The following LRBA variants were observed in gnomAD, a reference collection of about 807,000 sequenced individuals.
LRBA encodes the protein LPS responsive beige-like anchor protein, also known as lipopolysaccharide-responsive and beige-like anchor protein.
Under a neutral mutation model 330.0 loss-of-function variants are expected in LRBA, and 176 were observed. The ratio of observed to expected loss-of-function variants is 0.53; its 90% confidence interval spans 0.47 to 0.60. The LOEUF is 0.60. LRBA is among the 20% of genes least tolerant of loss of function. The pLI is 0.00. For missense variants in LRBA, 3,259 were observed against 3,444.8 expected, an observed-to-expected ratio of 0.95 and a Z score of 1.35; for synonymous variants, 1,230 against 1,193.0, an observed-to-expected ratio of 1.03 and a Z score of -0.64.
At position 150,583,761 on chromosome 4, in the gene LRBA, C is replaced by A. The variant is rs370311233; in HGVS notation, c.6330+4287G>T. The A allele has an allele frequency of 5.6e-6, 9 of 1,613,642 alleles. No individual in the cohort carries two copies. The African/African-American group carries it at 6.7e-5, about 12-fold the overall frequency. ...AGGCGGAGAACCGCCTGCTGATGGG[C>A]GGCTGCCGAAACAAGTGCCTCTCAG... On this transcript the variant is annotated intron_variant, in intron 40 of 56. Coordinates refer to ENST00000651943, the MANE Select transcript of LRBA (RefSeq NM_001364905.1). The surrounding 1 kb of genome is among the most constrained non-coding windows in gnomAD (Gnocchi z 9.8).
chr4:150,806,287 C>A lies in LRBA; in HGVS notation c.5502G>T (p.Leu1834=). 6.3e-7 allele frequency: 1 copy of A among 1,589,236 alleles called. No homozygotes were observed. Among genetic ancestry groups the A allele is most frequent in the Non-Finnish European group, 8.5e-7 (1 of 1,169,836 alleles). ...ACCACTTACTTGTTCCTTCTATAAG[C>A]AGTTCTTGTCCATGGCTACCCAAAA... is the stretch of plus-strand genomic sequence containing the variant. ...RTLLGSHGQE[L]LIEGTSLVCM... Residue 1834 remains leucine (L), a synonymous_variant, in exon 33 of 57, where the codon CTG becomes CTT. Coordinates refer to ENST00000651943, the MANE Select transcript of LRBA (RefSeq NM_001364905.1).
At chr4:150,485,891 T>C (rs529931510) in intron 42 of LRBA, among the ~76,000 whole-genome samples, 35 of 151,942 alleles carry the variant, frequency 2.3e-4, no homozygotes, top group Non-Finnish European at 4.7e-4. Context: ...CGTATAAATG[T>C]ATTTATATTT....
intron 22 of LRBA, among the ~76,000 whole-genome samples, chr4:150,862,956 G>C (rs1360013251): frequency 6.6e-5 from 10 of 151,866 alleles, no homozygotes; most frequent in Non-Finnish European, 2.9e-5. Flanking sequence ...TCCAGCCAGG[G>C]TGACAGAGCA....
chr4:150,436,703 T>C (rs1372987845), intron 45 of LRBA, 21 bp downstream of exon 45: 3 of 1,602,944 alleles, frequency 1.9e-6, no homozygotes, highest in East Asian at 2.2e-5. Context: ...AGCCATGGTG[T>C]ATTATTCAAA....
intron 22 of LRBA, among the ~76,000 whole-genome samples, chr4:150,860,288 T>G (rs919978808): frequency 6.6e-6 from 1 of 152,180 alleles, no homozygotes; most frequent in South Asian, 2.1e-4. Flanking sequence ...GTTTTCCCTC[T>G]CATAAGTAAT....
chr4:150,845,581 G>C (rs955486379), intron 26 of LRBA, among the ~76,000 whole-genome samples: 6 of 152,136 alleles, frequency 3.9e-5, no homozygotes, highest in African/African-American at 1.4e-4. Context: ...ACTGAGCAAA[G>C]GAGGGAGAGC....
At chr4:150,634,849 C>G (rs767401228) in intron 37 of LRBA, among the ~76,000 whole-genome samples, 25 of 152,102 alleles carry the variant, frequency 1.6e-4, no homozygotes, top group Non-Finnish European at 3.1e-4. Context: ...AAACAGAAGC[C>G]GTAGTCTTAA....
At chr4:150,334,724 A>C (rs1379570539) in intron 48 of LRBA, among the ~76,000 whole-genome samples, 1 of 151,900 alleles carries the variant, frequency 6.6e-6, no homozygotes, top group Non-Finnish European at 1.5e-5. Context: ...TTTTGAAATA[A>C]GCATAACAAA....
intron 31 of LRBA, among the ~76,000 whole-genome samples, chr4:150,809,566 C>G (rs750573383): frequency 6.6e-6 from 1 of 152,148 alleles, no homozygotes; most frequent in African/African-American, 2.4e-5. Context: ...AAAGAATTGC[C>G]ATTTTTGGCC....
chr4:150,546,216 CAT>C (rs1217278148), intron 40 of LRBA, among the ~76,000 whole-genome samples: 3 of 152,212 alleles, frequency 2.0e-5, no homozygotes, highest in East Asian at 1.9e-4. Context: ...CCACGCTGCA[CAT>C]GTTACTTTTA....
At chr4:150,688,860 A>G (rs1406667400) in intron 36 of LRBA, among the ~76,000 whole-genome samples, 1 of 152,210 alleles carries the variant, frequency 6.6e-6, no homozygotes, top group African/African-American at 2.4e-5. Context: ...GAGGGAGTAT[A>G]AATTAGTTCA....
At chr4:150,408,141 A>C (rs1746461689) in intron 47 of LRBA, among the ~76,000 whole-genome samples, 1 of 151,586 alleles carries the variant, frequency 6.6e-6, no homozygotes, top group South Asian at 2.1e-4. Flanking sequence ...CAAAATTGAC[A>C]AACCCTTTTA....
At chr4:150,615,054 G>A (rs938076625) in intron 37 of LRBA, among the ~76,000 whole-genome samples, 11 of 152,248 alleles carry the variant, frequency 7.2e-5, no homozygotes, top group Admixed American at 3.3e-4. Context: ...AGACTTGAAG[G>A]AGGTGAAGGT....
At chr4:150,666,571 A>G (rs1781577408) in intron 37 of LRBA, among the ~76,000 whole-genome samples, 1 of 152,200 alleles carries the variant, frequency 6.6e-6, no homozygotes, top group Non-Finnish European at 1.5e-5. Flanking sequence ...TTTACATAGC[A>G]TGAACATTGT....
chr4:150,387,105 A>ATT (rs139428373), intron 47 of LRBA, among the ~76,000 whole-genome samples: 9 of 149,388 alleles, frequency 6.0e-5, no homozygotes, highest in East Asian at 2.0e-4. Flanking sequence ...CCACTTTTTA[A>ATT]TTTTTTTTTT....
At chr4:150,266,652 G>A (rs1162854591) in intron 56 of LRBA, among the ~76,000 whole-genome samples, 1 of 152,150 alleles carries the variant, frequency 6.6e-6, no homozygotes, top group African/African-American at 2.4e-5. Flanking sequence ...AAGACAGTAA[G>A]GAGGAAATGA....
rs192667947 is a variant in LRBA at position 150,838,373 on chromosome 4, T to C, written c.4569+5727A>G. On this transcript the variant is annotated intron_variant, in intron 28 of 56. Transcript: ENST00000651943. ...GTTGGGCAAGTCCTCCTGGATAATA[T>C]ACTGCAGAGTGTTTTCCAGCTTGGT... Among the ~76,000 whole-genome samples, 438 of 152,324 alleles carry C rather than the reference T, an allele frequency of 2.9e-3. 2 individuals carry two copies. The highest frequency in any genetic ancestry group is 6.8e-3 in the Middle Eastern group (2 of 294).
At chr4:150,777,066 T>TTTGTTGTTG (rs70941442) in intron 34 of LRBA, among the ~76,000 whole-genome samples, 8,449 of 134,286 alleles carry the variant, frequency 0.063, 303 homozygotes, top group East Asian at 0.087. Flanking sequence ...TTTGAGGGGT[T>TTTGTTGTTG]TTGTTGTTGT....
intron 53 of LRBA, among the ~76,000 whole-genome samples, chr4:150,295,636 T>C (rs767254583): frequency 1.3e-5 from 2 of 152,202 alleles, no homozygotes; most frequent in Non-Finnish European, 2.9e-5. Context: ...TGCTAATATA[T>C]GTCTTGTGAT....
Sources: allele counts gnomAD v4.1 joint callset (sites outside exome capture counted in the v4.1 genomes callset), GRCh38; gene constraint gnomAD v4.1.1; non-coding constraint Gnocchi (gnomAD v3.1); transcripts MANE v1.5; gene names NCBI Gene and HGNC (gene_info 2026-07-23, HGNC 2026-07-21).